RYR2: variants seen among roughly 807,000 people sequenced by gnomAD.
The protein encoded by RYR2 is cardiac muscle ryanodine receptor-calcium release channel.
RYR2 carries 227 observed loss-of-function variants against 601.1 expected under a neutral mutation model. The ratio of observed to expected loss-of-function variants is 0.38; its 90% CI spans 0.34 to 0.42. The LOEUF (loss-of-function observed/expected upper bound fraction) is 0.42, where lower values mean the gene tolerates loss of function less well. Among genes scored for constraint, RYR2 ranks in the 10% least tolerant of loss-of-function variants. RYR2 has a pLI of 1.00. For synonymous variants in RYR2, 2,223 were observed against 2,175.1 expected (o/e 1.02, Z -0.61); for missense variants, 4,646 against 6,156.5 (o/e 0.75, Z 8.21).
intron 1 of RYR2, among the ~76,000 whole-genome samples, chr1:237,166,554 A>G (rs1238320231): frequency 6.6e-6 from 1 of 152,236 alleles, no homozygotes; most frequent in African/African-American, 2.4e-5. Flanking sequence ...ATATTTTAAA[A>G]TGCATGAACA....
intron 24 of RYR2, among the ~76,000 whole-genome samples, chr1:237,516,290 AT>A (rs35406659): frequency 4.0e-5 from 6 of 150,276 alleles, no homozygotes; most frequent in Middle Eastern, 3.4e-3. Flanking sequence ...TTTCTTTCGT[AT>A]TTTTTTTTGT....
At chr1:237,618,793 A>G (rs1678768973) in intron 38 of RYR2, among the ~76,000 whole-genome samples, 1 of 152,160 alleles carries the variant, frequency 6.6e-6, no homozygotes, top group South Asian at 2.1e-4. Flanking sequence ...TAGAGGACAG[A>G]GCTGGGACTT....
chr1:237,789,564 G>A (rs1377007887), intron 92 of RYR2, among the ~76,000 whole-genome samples: 1 of 151,954 alleles, frequency 6.6e-6, no homozygotes, highest in Non-Finnish European at 1.5e-5. Context: ...TCTATTATAG[G>A]TCATGGCTGC....
At chr1:237,280,346 A>G (rs1690732003) in intron 2 of RYR2, among the ~76,000 whole-genome samples, 2 of 152,212 alleles carry the variant, frequency 1.3e-5, no homozygotes, top group South Asian at 2.1e-4. Flanking sequence ...TTGAAATAAT[A>G]AAACAATTAT....
intron 1 of RYR2, among the ~76,000 whole-genome samples, chr1:237,230,927 C>CAAAAAAAGAAA (rs1684924920): frequency 9.4e-6 from 1 of 105,884 alleles, no homozygotes; most frequent in African/African-American, 3.7e-5. Flanking sequence ...AGACTCGTCT[C>CAAAAAAAGAAA]AAAAAAAAAA....
At chr1:237,103,623 C>T (rs997174133) in intron 1 of RYR2, among the ~76,000 whole-genome samples, 4 of 152,220 alleles carry the variant, frequency 2.6e-5, no homozygotes, top group African/African-American at 9.6e-5. Context: ...GGCTGGAGTG[C>T]AATGCCATGA....
intron 29 of RYR2, among the ~76,000 whole-genome samples, chr1:237,583,042 C>T (rs896377143): frequency 2.0e-5 from 3 of 152,032 alleles, no homozygotes; most frequent in Admixed American, 6.6e-5. Context: ...TACATTCCCA[C>T]CAACAGCGTA....
At chr1:237,687,389 TCCC>T in intron 62 of RYR2, 63 bp from the exon 63 acceptor site, 12 of 681,908 alleles carry the variant, frequency 1.8e-5, no homozygotes, top group Non-Finnish European at 2.0e-5. Flanking sequence ...TTTTTTAATT[TCCC>T]CCTGTCTTTT....
At chr1:237,384,721 G>A (rs1054284892) in intron 8 of RYR2, among the ~76,000 whole-genome samples, 1 of 152,116 alleles carries the variant, frequency 6.6e-6, no homozygotes, top group Non-Finnish European at 1.5e-5. Context: ...GTGAGACACA[G>A]GCCAAGTGAT....
intron 24 of RYR2, among the ~76,000 whole-genome samples, chr1:237,515,723 C>CTTCTTCTTTCTCCTCCTCG (rs1666393664): frequency 2.9e-3 from 3 of 1,036 alleles, no homozygotes; most frequent in Non-Finnish European, 4.7e-3. Context: ...TCTTCTCTTC[C>CTTCTTCTTTCTCCTCCTCG]TCCTTCTTTC....
chr1:237,085,635 A>G (rs1395361888), intron 1 of RYR2, among the ~76,000 whole-genome samples: 1 of 152,202 alleles, frequency 6.6e-6, no homozygotes, highest in African/African-American at 2.4e-5. Context: ...AACCAAGAGC[A>G]TTTGAGGTGA....
At chr1:237,622,871 A>G (rs1325209489) in intron 38 of RYR2, among the ~76,000 whole-genome samples, 1 of 152,208 alleles carries the variant, frequency 6.6e-6, no homozygotes, top group Non-Finnish European at 1.5e-5. Flanking sequence ...CCAATACTCC[A>G]TGGATACTAA....
Position 237,252,236 on chromosome 1 carries a change from TTCC to T in RYR2, c.49-18256_49-18254del, listed in dbSNP as rs769449549. Among the ~76,000 whole-genome samples, 5 of 152,018 alleles carry T rather than the reference TTCC, an allele frequency of 3.3e-5. No individual in the cohort carries two copies. In the East Asian group the frequency reaches 9.7e-4, roughly 30 times the overall value. On this transcript the variant is annotated intron_variant, in intron 1 of 104. Coordinates refer to ENST00000366574, the MANE Select transcript of RYR2 (RefSeq NM_001035.3). The stretch of plus-strand genomic sequence containing the variant: ...TACCCTGCCTGGTCTCTGCACTCAT[TTCC>T]TCCTACTCAACTCAGCCCACCAGCC...
intron 1 of RYR2, among the ~76,000 whole-genome samples, chr1:237,234,093 C>T (rs1685292928): frequency 6.6e-6 from 1 of 152,126 alleles, no homozygotes; most frequent in Admixed American, 6.5e-5. Flanking sequence ...TACTGTTTAA[C>T]CAACCTCAGG....
chr1:237,594,903 T>TTTTTTTTTTTTCA (rs1675682481), intron 33 of RYR2, among the ~76,000 whole-genome samples: 1 of 31,474 alleles, frequency 3.2e-5, no homozygotes, highest in African/African-American at 5.7e-5. Context: ...TTTTTTTTTT[T>TTTTTTTTTTTTCA]TTTTTTTTTT....
intron 1 of RYR2, among the ~76,000 whole-genome samples, chr1:237,130,775 A>G (rs1232893916): frequency 6.6e-6 from 1 of 152,182 alleles, no homozygotes; most frequent in Non-Finnish European, 1.5e-5. Context: ...ATCTAGCAGA[A>G]GTAAATGTTA....
At chr1:237,426,903 T>A (rs1424648130) in intron 12 of RYR2, among the ~76,000 whole-genome samples, 4 of 151,920 alleles carry the variant, frequency 2.6e-5, no homozygotes, top group African/African-American at 9.7e-5. Flanking sequence ...AATAAAAAAA[T>A]TAACAGGCAA....
chr1:237,644,635 T>G (rs1017235264), intron 48 of RYR2, among the ~76,000 whole-genome samples: 1 of 152,232 alleles, frequency 6.6e-6, no homozygotes, highest in Non-Finnish European at 1.5e-5. Context: ...TTATACTTTG[T>G]TTTTACTTTA....
chr1:237,385,080 AG>A (rs1266866318), intron 8 of RYR2, among the ~76,000 whole-genome samples: 2 of 151,774 alleles, frequency 1.3e-5, no homozygotes, highest in Non-Finnish European at 1.5e-5. Flanking sequence ...TAGTAGAGAC[AG>A]GGTTTCACCA....
Sources: allele counts gnomAD v4.1 joint callset (sites outside exome capture counted in the v4.1 genomes callset), GRCh38; gene constraint gnomAD v4.1.1; transcripts MANE v1.5; gene names NCBI Gene and HGNC (gene_info 2026-07-23, HGNC 2026-07-21).